The following DLGAP4 variants were observed in gnomAD, a reference collection of about 807,000 sequenced individuals.
The protein encoded by DLGAP4 is DLG associated protein 4, also known as disks large-associated protein 4.
Under a neutral mutation model 86.9 loss-of-function variants are expected in DLGAP4, and 18 were observed. The observed-to-expected ratio is 0.21, with a 90% CI of 0.14 to 0.31. The LOEUF is 0.31. Among genes scored for constraint, DLGAP4 ranks in the 10% least tolerant of loss-of-function variants. The pLI is 1.00. For synonymous variants in DLGAP4, 548 were observed against 574.3 expected (o/e 0.95, Z 0.65); for missense variants, 1,085 against 1,362.6 (o/e 0.80, Z 3.21).
chr20:36,378,137 G>A (rs1056258168), intron 2 of DLGAP4, among the ~76,000 whole-genome samples: 3 of 152,112 alleles, frequency 2.0e-5, no homozygotes, highest in Admixed American at 1.3e-4. Flanking sequence ...CTCCCCCTAC[G>A]CCAAGACACC....
chr20:36,340,171 A>ACGAG (rs2065363872), intron 1 of DLGAP4, among the ~76,000 whole-genome samples: 2 of 152,104 alleles, frequency 1.3e-5, no homozygotes, highest in Non-Finnish European at 2.9e-5. Context: ...AGCCCCAAGT[A>ACGAG]TGAGTGCGGT....
intron 7 of DLGAP4, chr20:36,461,378 A>C (rs1260662587): frequency 6.1e-6 from 5 of 821,808 alleles, no homozygotes; most frequent in Non-Finnish European, 7.3e-6. Flanking sequence ...CCGGCCCGGG[A>C]GTCCCTGACG....
In DLGAP4 at chr20:36,496,935, G is replaced by C. The variant is rs373871163; in HGVS notation, c.1879G>C (p.Ala627Pro). 2 of 1,614,128 alleles carry C rather than the reference G, an allele frequency of 1.2e-6. No individual in the cohort carries two copies. The highest frequency in any genetic ancestry group is 4.5e-5 in the East Asian group (2 of 44,882). Residue 627 changes from alanine (A) to proline (P), a missense_variant, in exon 8 of 13, where the codon GCC becomes CCC. Coordinates refer to ENST00000339266, the MANE Select transcript of DLGAP4 (RefSeq NM_001365621.2). ...GCCCAGCGTGACACGGGGTGGAGTC[G>C]CCCCAGCCCCTGAGGCCCCAGAGCC... ...RPPSVTRGGV[A>P]PAPEAPEPPP...
At position 36,464,502 on chromosome 20, in the gene DLGAP4, C is replaced by T. The variant is rs1281194409; in HGVS notation, c.1648+17565C>T. On this transcript the variant is annotated intron_variant, in intron 7 of 12. Coordinates refer to ENST00000339266, the MANE Select transcript of DLGAP4 (RefSeq NM_001365621.2). ...GCTTGAATCCAGAAGGTCAGGAGGT[C>T]GAGACTGCAGTGAGCTGAGATCATG... Among the ~76,000 whole-genome samples, 6 of 151,366 alleles carry T rather than the reference C, an allele frequency of 4.0e-5. No homozygotes were observed. The East Asian group carries it at 5.8e-4, about 15-fold the overall frequency.
chr20:36,337,603 T>A (rs1481645964), intron 1 of DLGAP4, among the ~76,000 whole-genome samples: 5 of 151,716 alleles, frequency 3.3e-5, no homozygotes, highest in Non-Finnish European at 7.4e-5. Flanking sequence ...CCTCATGGGG[T>A]CTCCTGACTC....
intron 7 of DLGAP4, among the ~76,000 whole-genome samples, chr20:36,479,301 T>C (rs2035080956): frequency 6.6e-6 from 1 of 152,132 alleles, no homozygotes; most frequent in Non-Finnish European, 1.5e-5. Context: ...TGCCAGCCTG[T>C]GTCATTTTTA....
intron 7 of DLGAP4, chr20:36,462,649 C>T (rs568150879): frequency 6.4e-6 from 10 of 1,556,724 alleles, no homozygotes; most frequent in Non-Finnish European, 8.6e-6. Context: ...GCAGGCTGGC[C>T]GCGGCCGAGG....
intron 2 of DLGAP4, among the ~76,000 whole-genome samples, chr20:36,421,077 G>C (rs536878989): frequency 1.3e-5 from 2 of 152,268 alleles, no homozygotes; most frequent in African/African-American, 4.8e-5. Flanking sequence ...GGAGGTCAAG[G>C]CTGCAGTGAG....
At chr20:36,461,676 C>CCGGCCGG in intron 7 of DLGAP4, 1 of 167,738 alleles carries the variant, frequency 6.0e-6, no homozygotes, top group Non-Finnish European at 1.1e-5. Flanking sequence ...CGGCCCGGCC[C>CCGGCCGG]GGCCCTGCCC....
chr20:36,379,985 C>T (rs2031312533), intron 2 of DLGAP4, among the ~76,000 whole-genome samples: 1 of 152,066 alleles, frequency 6.6e-6, no homozygotes, highest in African/African-American at 2.4e-5. Flanking sequence ...AATTTGAGAC[C>T]AGCCTGGGCA....
chr20:36,436,031 C>T, intron 3 of DLGAP4, 78 bp from the exon 4 acceptor site: 2 of 1,454,482 alleles, frequency 1.4e-6, no homozygotes, highest in East Asian at 2.5e-5. Flanking sequence ...GAGGGAGCTT[C>T]AGGTCCCGGA....
intron 10 of DLGAP4, among the ~76,000 whole-genome samples, chr20:36,502,448 G>A (rs192938402): frequency 1.9e-4 from 29 of 152,232 alleles, no homozygotes; most frequent in African/African-American, 5.8e-4. Flanking sequence ...CTCCTGGGCC[G>A]AAGTAATCCT....
chr20:36,344,876 G>A (rs1430872567), intron 1 of DLGAP4, among the ~76,000 whole-genome samples: 1 of 152,164 alleles, frequency 6.6e-6, no homozygotes, highest in Non-Finnish European at 1.5e-5. Flanking sequence ...TAGGCACATC[G>A]AGTCCACTGG....
At chr20:36,446,157 C>T (rs185665733) in intron 6 of DLGAP4, among the ~76,000 whole-genome samples, 17 of 152,360 alleles carry the variant, frequency 1.1e-4, no homozygotes, top group Admixed American at 2.6e-4. Flanking sequence ...AACATCCATT[C>T]TGTATAAGAG....
intron 2 of DLGAP4, among the ~76,000 whole-genome samples, chr20:36,381,173 C>T (rs2031378333): frequency 6.6e-6 from 1 of 152,226 alleles, no homozygotes. Flanking sequence ...TTCATTCATT[C>T]ATTCAGCAAG....
chr20:36,355,150 C>A (rs919143510), intron 1 of DLGAP4, among the ~76,000 whole-genome samples: 4 of 152,186 alleles, frequency 2.6e-5, no homozygotes, highest in Admixed American at 1.3e-4. Flanking sequence ...ACCCCTGGCC[C>A]CAGGCAACCA....
At position 36,362,312 on chromosome 20, in the gene DLGAP4, G is replaced by A. The variant is rs540106187; in HGVS notation, c.-303-4733G>A. ...GACATAGTCTTGGGCTTTACTTCTG[G>A]GTGAGTGAAAGAGGAGAAGGAAGAA... On this transcript the variant is annotated intron_variant, in intron 1 of 12. Transcript: ENST00000339266. Among the ~76,000 whole-genome samples the A allele has an allele frequency of 4.5e-4, 69 of 152,276 alleles. 2 individuals are homozygous for A. The highest frequency in any genetic ancestry group is 1.5e-3 in the South Asian group (7 of 4,816).
intron 1 of DLGAP4, among the ~76,000 whole-genome samples, chr20:36,324,657 AGTT>A (rs1224341852): frequency 1.3e-5 from 2 of 152,120 alleles, no homozygotes; most frequent in Non-Finnish European, 2.9e-5. Context: ...TTGTTGTTGT[AGTT>A]GTTTGTAGAT....
intron 2 of DLGAP4, among the ~76,000 whole-genome samples, chr20:36,430,302 A>C (rs1036520597): frequency 6.6e-6 from 1 of 152,162 alleles, no homozygotes; most frequent in African/African-American, 2.4e-5. Flanking sequence ...TCTTTGCTTC[A>C]TCTCAATTGG....
Sources: allele counts gnomAD v4.1 joint callset (sites outside exome capture counted in the v4.1 genomes callset), GRCh38; gene constraint gnomAD v4.1.1; transcripts MANE v1.5; gene names NCBI Gene and HGNC (gene_info 2026-07-23, HGNC 2026-07-21).